Variants in OLFM3 observed in about 807,000 individuals in gnomAD.
OLFM3 encodes the protein noelin-3.
Under a neutral mutation model 48.6 loss-of-function variants are expected in OLFM3, and 20 were observed. That is an observed-to-expected ratio of 0.41 (90% CI 0.29 to 0.60). The LOEUF (loss-of-function observed/expected upper bound fraction) is 0.60, where lower values mean the gene tolerates loss of function less well. Among genes scored for constraint, OLFM3 ranks in the 20% least tolerant of loss-of-function variants. The pLI is 0.28. For synonymous variants in OLFM3, 222 were observed against 198.1 expected (o/e 1.12, Z -1.01); for missense variants, 437 against 544.3 (o/e 0.80, Z 1.96).
chr1:101,916,791 G>A (rs1404562988), intron 1 of OLFM3, among the ~76,000 whole-genome samples: 2 of 152,120 alleles, frequency 1.3e-5, no homozygotes, highest in Non-Finnish European at 2.9e-5. Context: ...GGTAATTGGT[G>A]TATTATTATA....
At chr1:101,808,803 G>A (rs1653908258) in intron 4 of OLFM3, among the ~76,000 whole-genome samples, 1 of 151,648 alleles carries the variant, frequency 6.6e-6, no homozygotes, top group Non-Finnish European at 1.5e-5. Flanking sequence ...ACCGAGGATG[G>A]CCAGATATTT....
intron 1 of OLFM3, among the ~76,000 whole-genome samples, chr1:101,921,340 C>T (rs1659088645): frequency 6.6e-6 from 1 of 152,080 alleles, no homozygotes; most frequent in Admixed American, 6.6e-5. Context: ...AAATCCTTGT[C>T]TCTGAGATAT....
Position 101,804,376 on chromosome 1 carries a change from G to A in OLFM3, c.1239C>T (p.Pro413=). 6.2e-7 allele frequency: 1 copy of A among 1,612,480 alleles called. No homozygotes were observed. Among genetic ancestry groups the A allele is most frequent in the Non-Finnish European group, 8.5e-7 (1 of 1,178,928 alleles). Residue 413 remains proline, a synonymous_variant, in exon 6 of 6, where the codon CCC becomes CCT. Coordinates refer to ENST00000370103, the MANE Select transcript of OLFM3 (RefSeq NM_058170.4). The surrounding 1 kb of genome is among the most constrained non-coding windows in gnomAD (Gnocchi z 4.5). ...KTSTYEYTDI[P]FHNQYFHISM... is the part of the protein sequence containing the mutation. The stretch of plus-strand genomic sequence containing the variant: ...ATATGTGAAAGTATTGGTTATGGAA[G>A]GGAATGTCTGTGTACTCATATGTGG...
At chr1:101,920,127 T>G (rs1425308727) in intron 1 of OLFM3, among the ~76,000 whole-genome samples, 2 of 152,200 alleles carry the variant, frequency 1.3e-5, no homozygotes, top group African/African-American at 4.8e-5. Context: ...TTTCCCTGAT[T>G]TCCTAATTGG....
At chr1:101,943,406 A>T (rs1659853222) in intron 1 of OLFM3, among the ~76,000 whole-genome samples, 1 of 152,362 alleles carries the variant, frequency 6.6e-6, no homozygotes, top group African/African-American at 2.4e-5. Context: ...TGCAATAAAT[A>T]TCTTACATAC....
chr1:101,876,877 A>T (rs559876502), intron 1 of OLFM3, among the ~76,000 whole-genome samples: 1 of 152,012 alleles, frequency 6.6e-6, no homozygotes, highest in East Asian at 1.9e-4. Flanking sequence ...CTAAAGTGGG[A>T]TGGACACAAG....
chr1:101,879,131 G>C (rs1226986129), intron 1 of OLFM3, among the ~76,000 whole-genome samples: 1 of 151,882 alleles, frequency 6.6e-6, no homozygotes, highest in Non-Finnish European at 1.5e-5. Flanking sequence ...ATGCCACAGA[G>C]TCTCAGTGGA....
chr1:101,820,054 C>T (rs1654535501), intron 4 of OLFM3, among the ~76,000 whole-genome samples: 1 of 152,062 alleles, frequency 6.6e-6, no homozygotes, highest in Non-Finnish European at 1.5e-5. Context: ...CTTGTATCCA[C>T]AAATACCTAG....
intron 1 of OLFM3, among the ~76,000 whole-genome samples, chr1:101,946,678 T>C (rs1393404841): frequency 6.6e-6 from 1 of 152,200 alleles, no homozygotes; most frequent in Non-Finnish European, 1.5e-5. Context: ...TATCAGGCAC[T>C]GCCAATAATG....
At chr1:101,833,155 G>C (rs952145344) in intron 2 of OLFM3, among the ~76,000 whole-genome samples, 1 of 152,208 alleles carries the variant, frequency 6.6e-6, no homozygotes, top group Non-Finnish European at 1.5e-5. Flanking sequence ...AAAATAGCCT[G>C]TCTTTATTTC....
At chr1:101,926,099 G>C (rs982802407) in intron 1 of OLFM3, among the ~76,000 whole-genome samples, 4 of 152,096 alleles carry the variant, frequency 2.6e-5, no homozygotes, top group South Asian at 2.1e-4. Context: ...AATATGCTAT[G>C]CTTTGTTCAT....
intron 1 of OLFM3, among the ~76,000 whole-genome samples, chr1:101,943,908 TTC>T (rs1424216796): frequency 6.6e-6 from 1 of 151,892 alleles, no homozygotes; most frequent in Non-Finnish European, 1.5e-5. Flanking sequence ...CTTATTAATA[TTC>T]TGTTTCTGAT....
chr1:101,968,142 G>A (rs181539078), intron 1 of OLFM3, among the ~76,000 whole-genome samples: 1 of 152,264 alleles, frequency 6.6e-6, no homozygotes, highest in East Asian at 1.9e-4. Context: ...CTAAGCCTGA[G>A]TACTAGAATG....
At chr1:101,853,445 C>T (rs902176546) in intron 1 of OLFM3, among the ~76,000 whole-genome samples, 2 of 151,844 alleles carry the variant, frequency 1.3e-5, no homozygotes, top group African/African-American at 2.4e-5. Context: ...CTTTTTTTCT[C>T]CTTAGAACTA....
rs571766164 is a variant in OLFM3, at chr1:101,985,592, T to TA, written c.69+11155dup. Reference sequence around the variant, plus strand: ...CATCAGCTCTGTTATAGATTTGAAATAGAGGTTCTCTCTATTTTCTTATAA... The same window carrying TA: ...CATCAGCTCTGTTATAGATTTGAAATAAGAGGTTCTCTCTATTTTCTTATAA... On this transcript the variant is annotated intron_variant, in intron 1 of 5. Coordinates refer to ENST00000370103, the MANE Select transcript of OLFM3 (RefSeq NM_058170.4). Among the ~76,000 whole-genome samples the TA allele has an allele frequency of 4.7e-4, 72 of 152,214 alleles. 1 individual carries two copies. The highest frequency in any genetic ancestry group is 1.9e-3 in the South Asian group (9 of 4,830).
chr1:101,805,064 C>G, intron 5 of OLFM3, 149 bp from the exon 6 acceptor site: 1 of 631,062 alleles, frequency 1.6e-6, no homozygotes, highest in Non-Finnish European at 2.7e-6. Flanking sequence ...CAATGTATTT[C>G]AGGCTTTTGT....
intron 1 of OLFM3, among the ~76,000 whole-genome samples, chr1:101,889,813 A>C (rs1382085097): frequency 6.6e-6 from 1 of 152,068 alleles, no homozygotes; most frequent in Non-Finnish European, 1.5e-5. Context: ...TTTATTCTAC[A>C]TATATTTGCC....
chr1:101,886,998 A>T (rs11164321), intron 1 of OLFM3, among the ~76,000 whole-genome samples: 2 of 152,050 alleles, frequency 1.3e-5, no homozygotes, highest in African/African-American at 4.8e-5. Flanking sequence ...GAATTAATGG[A>T]TATTTTAGTA....
intron 1 of OLFM3, among the ~76,000 whole-genome samples, chr1:101,952,720 C>A (rs1363090400): frequency 6.6e-6 from 1 of 152,002 alleles, no homozygotes; most frequent in Non-Finnish European, 1.5e-5. Context: ...TACCAATGAG[C>A]ATTCATTCCA....
Sources: allele counts gnomAD v4.1 joint callset (sites outside exome capture counted in the v4.1 genomes callset), GRCh38; gene constraint gnomAD v4.1.1; non-coding constraint Gnocchi (gnomAD v3.1); transcripts MANE v1.5; gene names NCBI Gene and HGNC (gene_info 2026-07-23, HGNC 2026-07-21).